HRK: variants seen among roughly 807,000 people sequenced by gnomAD.
HRK encodes the protein activator of apoptosis harakiri.
Under a neutral mutation model 5.9 loss-of-function variants are expected in HRK, and 6 were observed. That is an observed-to-expected ratio of 1.02 (90% CI 0.56 to 2.01). The LOEUF (loss-of-function observed/expected upper bound fraction) is 2.01, where lower values mean the gene tolerates loss of function less well. Among genes scored for constraint, HRK ranks in the 30% most tolerant of loss-of-function variants. The pLI is 0.00. For synonymous variants in HRK, 85 were observed against 65.1 expected, an observed-to-expected ratio of 1.31 and a Z score of -1.47; for missense variants, 133 against 128.3, an observed-to-expected ratio of 1.04 and a Z score of -0.18.
At chr12:116,870,266 A>C (rs972544083) in intron 1 of HRK, among the ~76,000 whole-genome samples, 9 of 152,184 alleles carry the variant, frequency 5.9e-5, no homozygotes, top group African/African-American at 1.9e-4. Context: ...GCTAGCTCCA[A>C]GAATATTAGA....
At chr12:116,866,317 G>A (rs1163160684) in intron 1 of HRK, among the ~76,000 whole-genome samples, 1 of 151,378 alleles carries the variant, frequency 6.6e-6, no homozygotes, top group East Asian at 1.9e-4. Context: ...TGCTACTCAG[G>A]TGGCTGAGGC....
At chr12:116,869,105 C>A (rs1878651362) in intron 1 of HRK, among the ~76,000 whole-genome samples, 1 of 152,086 alleles carries the variant, frequency 6.6e-6, no homozygotes, top group Non-Finnish European at 1.5e-5. Context: ...TCCCGAGTAG[C>A]TGGGACTACA....
At chr12:116,871,092 TTTTTGTTTTGTTTTGTTTTG>T (rs57267390) in intron 1 of HRK, among the ~76,000 whole-genome samples, 38 of 148,336 alleles carry the variant, frequency 2.6e-4, no homozygotes, top group African/African-American at 8.7e-4. Context: ...CTAATTTTTG[TTTTTGTTTTGTTTTGTTTTG>T]TTTTGTTTTG....
chr12:116,875,975 A>T (rs748558154), intron 1 of HRK, among the ~76,000 whole-genome samples: 1 of 152,132 alleles, frequency 6.6e-6, no homozygotes, highest in Non-Finnish European at 1.5e-5. Flanking sequence ...TATCACAGGG[A>T]CACTAGTGAG....
At position 116,878,048 on chromosome 12, in the gene HRK, T is replaced by C. The variant is rs1440015033; in HGVS notation, c.*56+2928A>G. Among the ~76,000 whole-genome samples the C allele has an allele frequency of 6.6e-6, 1 of 152,184 alleles. No homozygotes were observed. The highest frequency in any genetic ancestry group is 6.5e-5 in the Admixed American group (1 of 15,270). On this transcript the variant is annotated intron_variant, in intron 1 of 1. Transcript: ENST00000257572. The surrounding 1 kb of genome is among the most constrained non-coding windows in gnomAD (Gnocchi z 4.4). Reference sequence around the variant, plus strand: ...CTCCTGCCTCAGCCTCCCGAGTAGCTGGGATTACAGGTGTGCACCACCACG... The same window carrying C: ...CTCCTGCCTCAGCCTCCCGAGTAGCCGGGATTACAGGTGTGCACCACCACG...
chr12:116,861,765 T>C (rs1008777759), intron 1 of HRK, among the ~76,000 whole-genome samples: 1 of 152,240 alleles, frequency 6.6e-6, no homozygotes, highest in Non-Finnish European at 1.5e-5. Context: ...TCTTCAGAGA[T>C]GTTTTTAAAA....
intron 1 of HRK, among the ~76,000 whole-genome samples, chr12:116,870,230 T>G (rs1241043739): frequency 2.0e-5 from 3 of 152,168 alleles, no homozygotes; most frequent in African/African-American, 7.2e-5. Context: ...GTGTTAGCAT[T>G]TTACAGGACT....
rs1212944886 is a variant in HRK, at chr12:116,858,909, A to G, written c.*2614T>C. The stretch of plus-strand genomic sequence containing the variant: ...TGGTGGAGACAATATATACATATAT[A>G]TCATGCTTCAATTTCCTAATACAAA... On this transcript the variant is annotated 3_prime_UTR_variant, in exon 2 of 2. Coordinates refer to ENST00000257572, the MANE Select transcript of HRK (RefSeq NM_003806.4). 6.6e-6 allele frequency: 1 copy of G among 152,162 alleles called. No homozygotes were observed. The highest frequency in any genetic ancestry group is 1.9e-4 in the East Asian group (1 of 5,180). The allele number at this position is 152,162 out of a possible 1,614,324, so 9.4% of individuals were successfully genotyped here.
intron 1 of HRK, among the ~76,000 whole-genome samples, chr12:116,863,937 A>G (rs1353359683): frequency 2.0e-5 from 3 of 152,062 alleles, no homozygotes; most frequent in Non-Finnish European, 4.4e-5. Flanking sequence ...CCTGGCCTCA[A>G]GCAATCGTCC....
intron 1 of HRK, among the ~76,000 whole-genome samples, chr12:116,863,784 G>GAC (rs1272321235): frequency 6.6e-6 from 1 of 150,758 alleles, no homozygotes; most frequent in East Asian, 1.9e-4. Context: ...CTGCACCCTC[G>GAC]ACCTCCTGAG....
chr12:116,874,577 C>T (rs1407418820), intron 1 of HRK, among the ~76,000 whole-genome samples: 1 of 152,182 alleles, frequency 6.6e-6, no homozygotes, highest in East Asian at 1.9e-4. Flanking sequence ...ATTCTAGAAC[C>T]TCACCACTCC....
chr12:116,866,754 G>C (rs1346675763), intron 1 of HRK, among the ~76,000 whole-genome samples: 1 of 152,116 alleles, frequency 6.6e-6, no homozygotes, highest in Non-Finnish European at 1.5e-5. Flanking sequence ...GGTGGGCCTT[G>C]GAAGCCCAAC....
At chr12:116,876,181 C>A (rs894443134) in intron 1 of HRK, among the ~76,000 whole-genome samples, 9 of 152,322 alleles carry the variant, frequency 5.9e-5, no homozygotes, top group Admixed American at 2.6e-4. Flanking sequence ...ACTATGCGAG[C>A]GGATGACTCC....
At position 116,881,248 on chromosome 12, in the gene HRK, C is replaced by A; in HGVS notation, c.60G>T (p.Ala20=). The change falls in exon 1 of 2, where the codon GCG becomes GCT. Residue 20 remains alanine (A), a synonymous_variant. Transcript: ENST00000257572. The stretch of plus-strand genomic sequence containing the variant: ...CGGACGAGCGCAGCCCCAGGCGACC[C>A]GCGCTGCAGGCGCACACGGCCGGGG... ...RGPPAVCACS[A]GRLGLRSSAA... 1 of 1,096,374 alleles carries A rather than the reference C, an allele frequency of 9.1e-7. No homozygotes were observed. Among genetic ancestry groups the A allele is most frequent in the African/African-American group, 1.7e-5 (1 of 59,730 alleles). The allele number at this position is 1,096,374 out of a possible 1,614,324, so 67.9% of individuals were successfully genotyped here.
intron 1 of HRK, among the ~76,000 whole-genome samples, chr12:116,864,006 C>A (rs1878452317): frequency 6.6e-6 from 1 of 152,146 alleles, no homozygotes; most frequent in African/African-American, 2.4e-5. Flanking sequence ...CAGGCCAATT[C>A]CCCTTCTATC....
intron 1 of HRK, among the ~76,000 whole-genome samples, chr12:116,869,991 A>G (rs775437178): frequency 3.3e-5 from 5 of 152,154 alleles, no homozygotes; most frequent in African/African-American, 4.8e-5. Flanking sequence ...GAGGCGGAAG[A>G]ATCGCTTGAA....
intron 1 of HRK, among the ~76,000 whole-genome samples, chr12:116,867,011 C>T (rs547026580): frequency 3.3e-5 from 5 of 152,040 alleles, no homozygotes; most frequent in Middle Eastern, 3.4e-3. Context: ...TGTCCCCTGC[C>T]GGGCACAGTG....
At position 116,878,695 on chromosome 12, in the gene HRK, TGAGGTCAGG is replaced by T. The variant is rs1879027206; in HGVS notation, c.*56+2272_*56+2280del. ...TGCTGGGAAGCCGAGCGGGGCATCC[TGAGGTCAGG>T]GCGCCAGAGGCTGCAGAACCCTGGA... On this transcript the variant is annotated intron_variant, in intron 1 of 1. Transcript: ENST00000257572. The surrounding 1 kb of genome is among the most constrained non-coding windows in gnomAD (Gnocchi z 4.4). 6.6e-6 allele frequency among the ~76,000 whole-genome samples: 1 copy of T among 152,016 alleles called. No homozygotes were observed. The highest frequency in any genetic ancestry group is 1.5e-5 in the Non-Finnish European group (1 of 67,982).
rs1345544722 is a variant in HRK, at chr12:116,858,544, G to C, written c.*2979C>G. ...TTATGCAGCAAGCTACCTAAACGATGATCTCAGAGGCCTCCCTCTGCTTGT... is the reference window on the plus strand; with the variant it reads ...TTATGCAGCAAGCTACCTAAACGATCATCTCAGAGGCCTCCCTCTGCTTGT... On this transcript the variant is annotated 3_prime_UTR_variant, in exon 2 of 2. Transcript: ENST00000257572. The C allele has an allele frequency of 7.2e-6, 1 of 138,010 alleles. No homozygotes were observed. Among genetic ancestry groups the C allele is most frequent in the African/African-American group, 2.7e-5 (1 of 37,630 alleles). 8.5% of individuals were successfully genotyped at this position (138,010 alleles called of 1,614,324 possible).
Sources: gnomAD v4.1 joint callset for allele counts (sites outside exome capture counted in the v4.1 genomes callset) on GRCh38, gnomAD v4.1.1 for gene constraint, Gnocchi (gnomAD v3.1) non-coding constraint, MANE v1.5 for transcripts, NCBI Gene and HGNC (gene_info 2026-07-23, HGNC 2026-07-21) for gene names.